FOXP2: variants seen among roughly 807,000 people sequenced by gnomAD.
FOXP2 encodes forkhead box protein P2.
Under a neutral mutation model 115.8 loss-of-function variants are expected in FOXP2, and 12 were observed. The observed-to-expected ratio is 0.10, with a 90% CI of 0.07 to 0.17. The LOEUF is 0.17. Ranked by LOEUF, FOXP2 falls within the 10% of genes least tolerant of loss-of-function variation. FOXP2 has a pLI of 1.00. For synonymous variants in FOXP2, 328 were observed against 297.7 expected (o/e 1.10, Z -1.05); for missense variants, 629 against 843.5 (o/e 0.75, Z 3.15).
At chr7:114,493,535 G>C (rs1019746706) in intron 2 of FOXP2, among the ~76,000 whole-genome samples, 1 of 152,182 alleles carries the variant, frequency 6.6e-6, no homozygotes, top group African/African-American at 2.4e-5. Flanking sequence ...TCCTAAATGT[G>C]CTCTAAAAAG....
chr7:114,451,963 C>A (rs1795094976), intron 2 of FOXP2, among the ~76,000 whole-genome samples: 1 of 151,858 alleles, frequency 6.6e-6, no homozygotes, highest in African/African-American at 2.4e-5. Context: ...GTATTCTGTT[C>A]TCCATATTTC....
intron 2 of FOXP2, among the ~76,000 whole-genome samples, chr7:114,526,045 G>C (rs1433777580): frequency 6.6e-6 from 1 of 151,894 alleles, no homozygotes; most frequent in Non-Finnish European, 1.5e-5. Context: ...CTGGGAGGCA[G>C]AGGTTGCAGT....
At position 114,664,306 on chromosome 7, in the gene FOXP2, A is replaced by G; in HGVS notation, c.1873A>G (p.Ser625Gly). Reference protein sequence around the residue: ...ALAESSLPLLSNPGLINNASS... With the variant: ...ALAESSLPLLGNPGLINNASS... The stretch of plus-strand genomic sequence containing the variant: ...GGCAGAGAGCAGTTTACCTTTGCTA[A>G]GTAATCCTGGACTGATAAATAATGC... The change falls in exon 16 of 17, where the codon AGT becomes GGT. Residue 625 changes from serine (S) to glycine (G), a missense_variant. Ser to Gly is a moderately conservative substitution (Grantham distance 56, BLOSUM62 0). This residue lies in a region of FOXP2 where 117 missense variants were observed against 112.3 expected (regional missense o/e 1.04). Coordinates refer to ENST00000350908, the MANE Select transcript of FOXP2 (RefSeq NM_014491.4). The G allele has an allele frequency of 6.2e-7, 1 of 1,613,548 alleles. No individual in the cohort carries two copies. Among genetic ancestry groups the G allele is most frequent in the Non-Finnish European group, 8.5e-7 (1 of 1,179,692 alleles).
chr7:114,632,973 AAAGAG>A (rs1208846067), intron 6 of FOXP2, among the ~76,000 whole-genome samples: 3 of 152,106 alleles, frequency 2.0e-5, no homozygotes, highest in Non-Finnish European at 4.4e-5. Context: ...GTAAAAAAGA[AAAGAG>A]TTTATAAAAT....
Position 114,308,158 on chromosome 7 carries a change from A to G in FOXP2, c.-11+20049A>G, listed in dbSNP as rs1023617000. Among the ~76,000 whole-genome samples the G allele has an allele frequency of 7.2e-5, 11 of 152,188 alleles. No homozygotes were observed. In the South Asian group the frequency reaches 1.7e-3, roughly 23 times the overall value. On this transcript the variant is annotated intron_variant, in intron 2 of 17. Coordinates refer to the FOXP2 transcript ENST00000634411. ...CCAGACATCCTCTAGTTTCATCTCC[A>G]TCTTTTATCTTAAAGGGCAAGATGG...
In FOXP2 at chr7:114,310,855, A is replaced by G. The variant is rs78308255; in HGVS notation, c.-11+22746A>G. Among the ~76,000 whole-genome samples, 778 of 152,272 alleles carry G rather than the reference A, an allele frequency of 5.1e-3. 7 individuals are homozygous for G. The highest frequency in any genetic ancestry group is 0.018 in the African/African-American group (747 of 41,560). On this transcript the variant is annotated intron_variant, in intron 2 of 17. Transcript: ENST00000634411. The stretch of plus-strand genomic sequence containing the variant: ...TTTATTAAAAAGCTCTCTAGCAGAA[A>G]TGAAGTAAAGTACACTTGGAAGAGG...
At chr7:114,490,780 T>A (rs1292418404) in intron 2 of FOXP2, among the ~76,000 whole-genome samples, 1 of 152,176 alleles carries the variant, frequency 6.6e-6, no homozygotes, top group East Asian at 1.9e-4. Flanking sequence ...CTTGTGATAG[T>A]TTGCTGAGAA....
intron 6 of FOXP2, among the ~76,000 whole-genome samples, chr7:114,634,662 A>G (rs1394169220): frequency 6.6e-6 from 1 of 152,022 alleles, no homozygotes; most frequent in African/African-American, 2.4e-5. Context: ...CATATGTCAA[A>G]TAGAAAGGAT....
At chr7:114,575,497 G>A (rs746729324) in intron 3 of FOXP2, among the ~76,000 whole-genome samples, 3 of 151,726 alleles carry the variant, frequency 2.0e-5, no homozygotes, top group Non-Finnish European at 2.9e-5. Flanking sequence ...TATATTAATC[G>A]ATTTAAGTTG....
intron 3 of FOXP2, among the ~76,000 whole-genome samples, chr7:114,587,882 T>TGTG (rs1401649414): frequency 1.6e-5 from 1 of 61,412 alleles, no homozygotes. Flanking sequence ...GATAATTAAA[T>TGTG]CCACCTTTCT....
intron 2 of FOXP2, among the ~76,000 whole-genome samples, chr7:114,463,803 A>G (rs1169506739): frequency 1.3e-5 from 2 of 152,198 alleles, no homozygotes; most frequent in Non-Finnish European, 2.9e-5. Flanking sequence ...AAAAAACAGT[A>G]CAGTATGCAT....
intron 1 of FOXP2, among the ~76,000 whole-genome samples, chr7:114,258,941 G>A (rs1795683748): frequency 6.6e-6 from 1 of 152,066 alleles, no homozygotes; most frequent in Admixed American, 6.5e-5. Context: ...ATGGGGATGT[G>A]GTTTCCACTT....
intron 2 of FOXP2, among the ~76,000 whole-genome samples, chr7:114,305,970 A>G (rs1383539705): frequency 6.6e-6 from 1 of 152,076 alleles, no homozygotes; most frequent in Non-Finnish European, 1.5e-5. Flanking sequence ...AGAGTCATAA[A>G]AAAAGCAACT....
chr7:114,405,940 C>CT (rs982553278), intron 2 of FOXP2, among the ~76,000 whole-genome samples: 52 of 151,750 alleles, frequency 3.4e-4, no homozygotes, highest in African/African-American at 1.2e-3. Flanking sequence ...ATAATGCTGA[C>CT]TTTTTTTATG....
intron 1 of FOXP2, among the ~76,000 whole-genome samples, chr7:114,168,901 T>A (rs2129152389): frequency 6.6e-6 from 1 of 152,220 alleles, no homozygotes; most frequent in South Asian, 2.1e-4. Flanking sequence ...AAGGGACAAA[T>A]GTAGAGCTAG....
chr7:114,102,732 A>ACC lies in FOXP2; in HGVS notation c.-247+14897_-247+14898dup, dbSNP rs1554414721. Among the ~76,000 whole-genome samples, 1,232 of 146,188 alleles carry ACC rather than the reference A, an allele frequency of 8.4e-3. 21 individuals are homozygous for ACC. Among genetic ancestry groups the ACC allele is most frequent in the Admixed American group, 0.029 (422 of 14,716 alleles). On this transcript the variant is annotated intron_variant, in intron 1 of 19. Coordinates refer to the FOXP2 transcript ENST00000635638. ...CACACACACACACACACACACACAC[A>ACC]CCCCAATGGTTATTCATATAAATAT...
rs1554380028 is a variant in FOXP2 at position 114,378,701 on chromosome 7, A to AG, written c.-10-47799dup. On this transcript the variant is annotated intron_variant, in intron 2 of 17. Coordinates refer to the FOXP2 transcript ENST00000634411. ...CCTGTCTCCAAAAAAAAAAAAAAAA[A>AG]GGAAAAGAAAAAGAAAGAAAGTGAA... Among the ~76,000 whole-genome samples, 50 of 106,802 alleles carry AG rather than the reference A, an allele frequency of 4.7e-4. 4 individuals are homozygous for AG. The highest frequency in any genetic ancestry group is 1.6e-3 in the African/African-American group (46 of 28,204). 70.1% of individuals were successfully genotyped at this position (106,802 alleles called of 152,430 possible).
chr7:114,410,409 C>T (rs1054850487), upstream of FOXP2, among the ~76,000 whole-genome samples: 1 of 152,138 alleles, frequency 6.6e-6, no homozygotes, highest in Non-Finnish European at 1.5e-5. Context: ...TCAAAAAAGA[C>T]ATAGATATTG....
At chr7:114,686,127 TAA>T (rs1808348779) in intron 16 of FOXP2, among the ~76,000 whole-genome samples, 1 of 152,054 alleles carries the variant, frequency 6.6e-6, no homozygotes, top group Non-Finnish European at 1.5e-5. Context: ...TTACAAATAA[TAA>T]GTTTTTTTTA....
Sources: allele counts gnomAD v4.1 joint callset (sites outside exome capture counted in the v4.1 genomes callset), GRCh38; gene constraint gnomAD v4.1.1; regional missense constraint gnomAD v4.1.1; transcripts MANE v1.5; gene names NCBI Gene and HGNC (gene_info 2026-07-23, HGNC 2026-07-21).